CAP2: variants seen among roughly 807,000 people sequenced by gnomAD.
The protein encoded by CAP2 is adenylyl cyclase-associated protein 2.
In CAP2, 24 loss-of-function variants were observed where a neutral mutation model predicts 57.7. The observed-to-expected ratio is 0.42, with a 90% CI of 0.30 to 0.58. The LOEUF (loss-of-function observed/expected upper bound fraction) is 0.58. Ranked by LOEUF, CAP2 falls within the 20% of genes least tolerant of loss-of-function variation. The pLI, the probability that CAP2 is intolerant of heterozygous loss-of-function variation, is 0.22. For synonymous variants in CAP2, 194 were observed against 207.2 expected (o/e 0.94, Z 0.55); for missense variants, 501 against 590.3 (o/e 0.85, Z 1.57).
At chr6:17,493,074 C>G (rs1761582517) in intron 4 of CAP2, among the ~76,000 whole-genome samples, 1 of 152,174 alleles carries the variant, frequency 6.6e-6, no homozygotes, top group Admixed American at 6.5e-5. Context: ...AAATCTGTAT[C>G]AAAACAAGAT....
At chr6:17,409,079 G>T (rs970337797) in intron 1 of CAP2, among the ~76,000 whole-genome samples, 1 of 151,150 alleles carries the variant, frequency 6.6e-6, no homozygotes, top group Admixed American at 6.6e-5. Context: ...TTTGAGAAGT[G>T]TGGTGTGTGA....
At chr6:17,531,812 G>A (rs772570668) in intron 7 of CAP2, among the ~76,000 whole-genome samples, 10 of 152,156 alleles carry the variant, frequency 6.6e-5, no homozygotes, top group South Asian at 6.2e-4. Context: ...CACCCAGACC[G>A]TCCTGAGGAG....
chr6:17,511,562 C>CA (rs1389804623), intron 6 of CAP2, among the ~76,000 whole-genome samples: 1 of 152,162 alleles, frequency 6.6e-6, no homozygotes, highest in African/African-American at 2.4e-5. Flanking sequence ...AGCAGTTCTC[C>CA]TGCCTCAGCC....
intron 1 of CAP2, among the ~76,000 whole-genome samples, chr6:17,418,358 T>C (rs1442812718): frequency 6.6e-6 from 1 of 152,250 alleles, no homozygotes; most frequent in East Asian, 1.9e-4. Context: ...CCTTAGGGGC[T>C]GTGGCAGGAT....
chr6:17,522,694 C>G (rs1224254952), intron 7 of CAP2, among the ~76,000 whole-genome samples: 2 of 152,110 alleles, frequency 1.3e-5, no homozygotes, highest in African/African-American at 4.8e-5. Context: ...AAGGTGAGGC[C>G]AGAAAGGCAG....
chr6:17,520,812 T>C (rs1762372968), intron 7 of CAP2, among the ~76,000 whole-genome samples: 2 of 152,228 alleles, frequency 1.3e-5, no homozygotes, highest in African/African-American at 4.8e-5. Context: ...TCTTGCTATT[T>C]ACAAGAGAAA....
chr6:17,404,897 TCTC>T (rs1211697262), intron 1 of CAP2, among the ~76,000 whole-genome samples: 2 of 152,194 alleles, frequency 1.3e-5, no homozygotes, highest in East Asian at 1.9e-4. Flanking sequence ...TCGTTATTGT[TCTC>T]CTCTTTGGAG....
At chr6:17,510,369 C>T (rs1217820586) in intron 6 of CAP2, among the ~76,000 whole-genome samples, 2 of 152,152 alleles carry the variant, frequency 1.3e-5, no homozygotes, top group African/African-American at 4.8e-5. Flanking sequence ...GAAAAACAAA[C>T]AGCCATTGTA....
At chr6:17,482,496 A>T (rs1349643591) in intron 4 of CAP2, among the ~76,000 whole-genome samples, 1 of 119,446 alleles carries the variant, frequency 8.4e-6, no homozygotes. Flanking sequence ...TGAGAGAGCG[A>T]GACTCCATCT....
At chr6:17,403,996 G>A (rs1335291138) in intron 1 of CAP2, among the ~76,000 whole-genome samples, 1 of 152,194 alleles carries the variant, frequency 6.6e-6, no homozygotes, top group Non-Finnish European at 1.5e-5. Context: ...GTATATACAA[G>A]TAAAAAAATT....
intron 1 of CAP2, among the ~76,000 whole-genome samples, chr6:17,407,263 C>A (rs1759002730): frequency 6.6e-6 from 1 of 152,154 alleles, no homozygotes; most frequent in South Asian, 2.1e-4. Flanking sequence ...AAGGAAGAAC[C>A]TGTAGTTTTT....
intron 4 of CAP2, among the ~76,000 whole-genome samples, chr6:17,501,299 C>T (rs1761815699): frequency 6.6e-6 from 1 of 152,006 alleles, no homozygotes; most frequent in African/African-American, 2.4e-5. Context: ...GCCAAAAGGC[C>T]GAGAAGCAAT....
chr6:17,503,971 A>G (rs1051405717), intron 4 of CAP2, among the ~76,000 whole-genome samples: 6 of 152,366 alleles, frequency 3.9e-5, no homozygotes, highest in Admixed American at 3.9e-4. Flanking sequence ...CCCCTCCTTC[A>G]GTAATGGATA....
intron 4 of CAP2, among the ~76,000 whole-genome samples, chr6:17,480,934 A>T (rs1228168334): frequency 7.0e-6 from 1 of 143,050 alleles, no homozygotes; most frequent in Non-Finnish European, 1.5e-5. Flanking sequence ...GCACACCACC[A>T]CACCTGGCTA....
At chr6:17,517,992 A>G (rs1581588864) in intron 7 of CAP2, among the ~76,000 whole-genome samples, 1 of 152,284 alleles carries the variant, frequency 6.6e-6, no homozygotes, top group Non-Finnish European at 1.5e-5. Flanking sequence ...GGCATCATGG[A>G]TTGCCATGAC....
At position 17,404,239 on chromosome 6, in the gene CAP2, G is replaced by A. The variant is rs566254083; in HGVS notation, c.-2+10493G>A. Among the ~76,000 whole-genome samples, 792 of 152,210 alleles carry A rather than the reference G, an allele frequency of 5.2e-3. 6 individuals are homozygous for A. Among genetic ancestry groups the A allele is most frequent in the South Asian group, 7.9e-3 (38 of 4,818 alleles). On this transcript the variant is annotated intron_variant, in intron 1 of 12. Transcript: ENST00000229922. Reference sequence around the variant, plus strand: ...GTAATCCCCACCACTTTGAGAGGCCGAGGTGGGTGGATCACGAGGTCAGGC... The same window carrying A: ...GTAATCCCCACCACTTTGAGAGGCCAAGGTGGGTGGATCACGAGGTCAGGC...
At chr6:17,444,827 CACACACACACACACACA>C in intron 3 of CAP2, among the ~76,000 whole-genome samples, 1 of 151,100 alleles carries the variant, frequency 6.6e-6, no homozygotes, top group African/African-American at 2.4e-5. Context: ...CACACACACA[CACACACACACACACACA>C]ACACGAGTCC....
intron 9 of CAP2, 30 bp from the exon 10 acceptor site, chr6:17,542,807 G>A (rs757206634): frequency 1.9e-6 from 3 of 1,581,152 alleles, no homozygotes; most frequent in African/African-American, 2.7e-5. Flanking sequence ...ATATGCTGAT[G>A]TTTAATATTT....
intron 3 of CAP2, among the ~76,000 whole-genome samples, chr6:17,438,431 G>GTTTTTTT (rs1554122609): frequency 2.3e-5 from 2 of 85,466 alleles, no homozygotes; most frequent in African/African-American, 1.2e-4. Flanking sequence ...CCATCCAGAA[G>GTTTTTTT]TGTTTTTTTT....
Sources: allele counts gnomAD v4.1 joint callset (sites outside exome capture counted in the v4.1 genomes callset), GRCh38; gene constraint gnomAD v4.1.1; transcripts MANE v1.5; gene names NCBI Gene and HGNC (gene_info 2026-07-23, HGNC 2026-07-21).